Variants in LAMC1 observed in about 807,000 individuals in gnomAD.
LAMC1 encodes the protein laminin subunit gamma-1.
In LAMC1, 38 loss-of-function variants were observed where a neutral mutation model predicts 173.6. The observed-to-expected ratio is 0.22, with a 90% CI of 0.17 to 0.29. LAMC1 has a LOEUF of 0.29. Ranked by LOEUF, LAMC1 falls within the 10% of genes least tolerant of loss-of-function variation. The pLI is 1.00. For missense variants in LAMC1, 1,824 were observed against 2,051.8 expected (o/e 0.89, Z 2.14); for synonymous variants, 746 against 749.1 (o/e 1.00, Z 0.07).
intron 1 of LAMC1, among the ~76,000 whole-genome samples, chr1:183,024,527 G>A (rs750761476): frequency 1.3e-5 from 2 of 152,156 alleles, no homozygotes; most frequent in African/African-American, 2.4e-5. Flanking sequence ...GAAACAAGAA[G>A]GTCCGCCTTA....
chr1:183,101,898 C>A (rs1050319342), intron 1 of LAMC1, among the ~76,000 whole-genome samples: 1 of 152,190 alleles, frequency 6.6e-6, no homozygotes, highest in African/African-American at 2.4e-5. Context: ...TCGGATATTG[C>A]TCATCCTGTC....
At chr1:183,086,060 A>G (rs1019050099) in intron 1 of LAMC1, among the ~76,000 whole-genome samples, 13 of 152,224 alleles carry the variant, frequency 8.5e-5, no homozygotes, top group Non-Finnish European at 1.6e-4. Flanking sequence ...AGGAATGCCT[A>G]TATCCATAAA....
At chr1:183,072,060 G>A (rs1351662337) in intron 1 of LAMC1, among the ~76,000 whole-genome samples, 3 of 152,116 alleles carry the variant, frequency 2.0e-5, no homozygotes, top group African/African-American at 7.2e-5. Flanking sequence ...GTGAACATGG[G>A]GAATTTTTAT....
At chr1:183,032,098 C>T (rs1446512484) in intron 1 of LAMC1, among the ~76,000 whole-genome samples, 3 of 152,160 alleles carry the variant, frequency 2.0e-5, no homozygotes, top group Non-Finnish European at 4.4e-5. Flanking sequence ...TTTTAGAGTA[C>T]TGCACCAGAC....
chr1:183,136,706 T>A, intron 25 of LAMC1, 121 bp downstream of exon 25: 1 of 786,716 alleles, frequency 1.3e-6, no homozygotes, highest in Non-Finnish European at 2.0e-6. Context: ...AAAATTGTCT[T>A]AAACCATATT....
At chr1:183,081,377 C>T (rs1222452162) in intron 1 of LAMC1, among the ~76,000 whole-genome samples, 1 of 151,742 alleles carries the variant, frequency 6.6e-6, no homozygotes, top group East Asian at 1.9e-4. Context: ...GCAGACGGAT[C>T]ACTTGAGGTC....
chr1:183,114,370 C>T (rs1033764132), intron 4 of LAMC1, among the ~76,000 whole-genome samples, 161 bp from the exon 5 acceptor site: 1 of 152,186 alleles, frequency 6.6e-6, no homozygotes, highest in Non-Finnish European at 1.5e-5. Context: ...TGCACCTGAC[C>T]TTCTTGTTGT....
At chr1:183,078,403 A>T (rs1395419278) in intron 1 of LAMC1, among the ~76,000 whole-genome samples, 1 of 151,850 alleles carries the variant, frequency 6.6e-6, no homozygotes, top group Middle Eastern at 3.2e-3. Flanking sequence ...AACACGGTGA[A>T]ACCTCGTCTC....
At chr1:183,029,517 G>A (rs745642057) in intron 1 of LAMC1, among the ~76,000 whole-genome samples, 4 of 152,202 alleles carry the variant, frequency 2.6e-5, no homozygotes, top group South Asian at 2.1e-4. Context: ...ACTCCTTGGC[G>A]TGGTGTACAG....
intron 4 of LAMC1, among the ~76,000 whole-genome samples, chr1:183,113,098 C>T (rs1371022356): frequency 6.6e-6 from 1 of 152,116 alleles, no homozygotes; most frequent in Admixed American, 6.5e-5. Context: ...ATCACTTGAG[C>T]CTGGGAGTTT....
chr1:183,138,298 G>A (rs905692834), intron 26 of LAMC1: 32 of 632,758 alleles, frequency 5.1e-5, no homozygotes, highest in East Asian at 2.8e-4. Flanking sequence ...AATTTTTCAC[G>A]TTTTGTGATA....
At chr1:183,125,217 C>CA in intron 14 of LAMC1, 180 bp from the exon 15 acceptor site, 1 of 637,422 alleles carries the variant, frequency 1.6e-6, no homozygotes, top group Non-Finnish European at 2.7e-6. Flanking sequence ...GTGTGTATCT[C>CA]ACGTTTATAG....
intron 1 of LAMC1, among the ~76,000 whole-genome samples, chr1:183,079,251 T>G (rs1318091126): frequency 1.9e-4 from 20 of 104,342 alleles, no homozygotes; most frequent in Non-Finnish European, 2.4e-4. Context: ...TTTTTTTTTT[T>G]TTTTTTTTTT....
chr1:183,117,026 G>A, intron 8 of LAMC1, 123 bp downstream of exon 8: 1 of 1,011,442 alleles, frequency 9.9e-7, no homozygotes, highest in South Asian at 1.7e-5. Flanking sequence ...GTATTATTTA[G>A]CATGCATAGT....
In LAMC1 at chr1:183,085,350, TTTGTTTGTTTTC is replaced by T. The variant is rs1212296962; in HGVS notation, c.419-17966_419-17955del. Among the ~76,000 whole-genome samples the T allele has an allele frequency of 3.7e-4, 56 of 152,092 alleles. 1 individual carries two copies. The highest frequency in any genetic ancestry group is 8.8e-5 in the Non-Finnish European group (6 of 68,002). ...TGGTTTCACTGAATTGTCCCCATTTTTTGTTTGTTTTCTTGTTTGTTTTGTTTTTTGAGTCAG... is the reference window on the plus strand; with the variant it reads ...TGGTTTCACTGAATTGTCCCCATTTTTTGTTTGTTTTGTTTTTTGAGTCAG... On this transcript the variant is annotated intron_variant, in intron 1 of 27. Coordinates refer to ENST00000258341, the MANE Select transcript of LAMC1 (RefSeq NM_002293.4).
At chr1:183,103,882 T>G (rs1387256447) in intron 2 of LAMC1, among the ~76,000 whole-genome samples, 1 of 152,192 alleles carries the variant, frequency 6.6e-6, no homozygotes, top group Non-Finnish European at 1.5e-5. Context: ...GGATGTAAAC[T>G]TTACACATTT....
intron 1 of LAMC1, among the ~76,000 whole-genome samples, chr1:183,100,128 A>G (rs1402649281): frequency 6.6e-6 from 1 of 152,166 alleles, no homozygotes; most frequent in Non-Finnish European, 1.5e-5. Context: ...GTAGTACATC[A>G]GTTACTAAGT....
At chr1:183,131,156 A>T (rs917096408) in intron 19 of LAMC1, 143 bp from the exon 20 acceptor site, 9 of 621,008 alleles carry the variant, frequency 1.4e-5, no homozygotes, top group African/African-American at 1.4e-4. Context: ...CCTGGGCAAC[A>T]AGAGTGAAAC....
chr1:183,099,816 C>T (rs1655787514), intron 1 of LAMC1, among the ~76,000 whole-genome samples: 1 of 152,132 alleles, frequency 6.6e-6, no homozygotes, highest in African/African-American at 2.4e-5. Flanking sequence ...CTGCTCACAT[C>T]CAGCTCCCTA....
Sources: gnomAD v4.1 joint callset for allele counts (sites outside exome capture counted in the v4.1 genomes callset) on GRCh38, gnomAD v4.1.1 for gene constraint, MANE v1.5 for transcripts, NCBI Gene and HGNC (gene_info 2026-07-23, HGNC 2026-07-21) for gene names.